The following INVS variants were observed in gnomAD, a reference collection of about 807,000 sequenced individuals.
INVS encodes the protein inversion of embryo turning homolog.
Under a neutral mutation model 108.8 loss-of-function variants are expected in INVS, and 86 were observed. That is an observed-to-expected ratio of 0.79 (90% CI 0.66 to 0.95). INVS has a LOEUF of 0.95. INVS is among the 40% of genes least tolerant of loss of function. The pLI, the probability that INVS is intolerant of heterozygous loss-of-function variation, is 0.00. For missense variants in INVS, 1,169 were observed against 1,297.4 expected, an observed-to-expected ratio of 0.90 and a Z score of 1.52; for synonymous variants, 455 against 473.5, an observed-to-expected ratio of 0.96 and a Z score of 0.51.
chr9:100,141,548 G>A lies in INVS; in HGVS notation c.273+14999G>A, dbSNP rs192422636. ...GTCTAACAGAAGGGAAAAAATGACC[G>A]CGGTGGCCTTCTCAGACCCTGTAGG... On this transcript the variant is annotated intron_variant, in intron 3 of 16. Transcript: ENST00000262457. 6.6e-5 allele frequency among the ~76,000 whole-genome samples: 10 copies of A among 152,314 alleles called. No individual in the cohort carries two copies. The East Asian group carries it at 1.4e-3, about 21-fold the overall frequency.
Position 100,100,918 on chromosome 9 carries a change from G to T in INVS, c.-25+1502G>T, listed in dbSNP as rs1412865550. Among the ~76,000 whole-genome samples the T allele has an allele frequency of 6.2e-3, 81 of 13,140 alleles. 8 individuals are homozygous for T. Among genetic ancestry groups the T allele is most frequent in the African/African-American group, 0.047 (65 of 1,372 alleles). 8.6% of individuals were successfully genotyped at this position (13,140 alleles called of 152,430 possible). ...TATTATATATGTATATATATTATAT[G>T]TATATATATAATATATATAATATAT... On this transcript the variant is annotated intron_variant, in intron 1 of 16. Coordinates refer to ENST00000262457, the MANE Select transcript of INVS (RefSeq NM_014425.5).
At chr9:100,145,063 G>A (rs1828557117) in intron 3 of INVS, among the ~76,000 whole-genome samples, 1 of 152,078 alleles carries the variant, frequency 6.6e-6, no homozygotes. Context: ...GGGGTCAAGC[G>A]GCATTGTAGA....
intron 3 of INVS, among the ~76,000 whole-genome samples, chr9:100,166,841 C>T (rs1372106743): frequency 6.6e-6 from 1 of 152,182 alleles, no homozygotes; most frequent in Non-Finnish European, 1.5e-5. Context: ...TAACTGGTCT[C>T]CTGGTTTCTG....
intron 9 of INVS, 80 bp from the exon 10 acceptor site, chr9:100,252,827 A>C: frequency 1.1e-6 from 1 of 922,326 alleles, no homozygotes; most frequent in Non-Finnish European, 1.7e-6. Flanking sequence ...CATTTAAGGA[A>C]CAATTGTTTT....
In INVS at chr9:100,253,125, C is replaced by T; in HGVS notation, c.1453C>T (p.Gln485Ter). The T allele has an allele frequency of 6.2e-7, 1 of 1,611,128 alleles. No individual in the cohort carries two copies. The highest frequency in any genetic ancestry group is 8.5e-7 in the Non-Finnish European group (1 of 1,177,568). ...LMENNADPNI[Q>*]DKEGRTALHW... is the part of the protein sequence containing the mutation. ...GGAAAACAATGCAGACCCTAACATTCAAGACAAAGAGGTAGAAATTCTGTC... is the reference window on the plus strand; with the variant it reads ...GGAAAACAATGCAGACCCTAACATTTAAGACAAAGAGGTAGAAATTCTGTC... The change falls in exon 10 of 17, where the codon CAA (glutamine) becomes TAA (stop). Residue 485 changes from glutamine (Q) to a stop codon, truncating the protein, a stop_gained. Transcript: ENST00000262457. LOFTEE classifies it high-confidence loss of function.
intron 3 of INVS, among the ~76,000 whole-genome samples, chr9:100,159,270 A>T (rs1040717223): frequency 6.6e-6 from 1 of 152,206 alleles, no homozygotes; most frequent in Non-Finnish European, 1.5e-5. Context: ...GGAAGGTTTC[A>T]TGAAGGAGAG....
intron 3 of INVS, among the ~76,000 whole-genome samples, chr9:100,186,910 G>A (rs558963998): frequency 1.3e-5 from 2 of 152,010 alleles, no homozygotes; most frequent in South Asian, 2.1e-4. Flanking sequence ...GCTTTGGGGG[G>A]TCTTAGTCAT....
At chr9:100,171,829 T>C (rs2476441) in intron 3 of INVS, among the ~76,000 whole-genome samples, 1 of 151,908 alleles carries the variant, frequency 6.6e-6, no homozygotes, top group Admixed American at 6.6e-5. Flanking sequence ...ATCAAGTATA[T>C]CATTGGCAAA....
intron 10 of INVS, among the ~76,000 whole-genome samples, chr9:100,260,603 C>A (rs1588129665): frequency 6.6e-6 from 1 of 152,038 alleles, no homozygotes; most frequent in Admixed American, 6.6e-5. Flanking sequence ...GTTCCAAGAA[C>A]TTTATGTTTA....
chr9:100,212,165 TA>T (rs1323884946), intron 3 of INVS, among the ~76,000 whole-genome samples: 11 of 152,302 alleles, frequency 7.2e-5, no homozygotes, highest in African/African-American at 2.4e-4. Context: ...AACAGACATC[TA>T]AATCAACTGA....
At chr9:100,270,908 AGT>A (rs1230397326) in intron 11 of INVS, among the ~76,000 whole-genome samples, 2 of 151,414 alleles carry the variant, frequency 1.3e-5, no homozygotes, top group Non-Finnish European at 2.9e-5. Flanking sequence ...TGGGCAACAG[AGT>A]GAGACCCTAT....
chr9:100,287,521 C>CT (rs1172755182), intron 13 of INVS, among the ~76,000 whole-genome samples: 1 of 152,212 alleles, frequency 6.6e-6, no homozygotes, highest in East Asian at 1.9e-4. Context: ...TGGATTGGCT[C>CT]TGTGTCCCCA....
At chr9:100,262,726 TG>T (rs1361045397) in intron 10 of INVS, among the ~76,000 whole-genome samples, 1 of 145,038 alleles carries the variant, frequency 6.9e-6, no homozygotes, top group Non-Finnish European at 1.6e-5. Flanking sequence ...TTTGAGATTT[TG>T]GGTTTTTTTG....
At chr9:100,100,964 TAATA>T (rs1183958895) in intron 1 of INVS, among the ~76,000 whole-genome samples, 2 of 62,374 alleles carry the variant, frequency 3.2e-5, no homozygotes, top group Non-Finnish European at 5.2e-5. Flanking sequence ...ATTATATATA[TAATA>T]TATATTATAT....
intron 16 of INVS, among the ~76,000 whole-genome samples, chr9:100,300,192 T>C (rs752628237): frequency 8.5e-5 from 13 of 152,232 alleles, no homozygotes; most frequent in Non-Finnish European, 1.5e-4. Context: ...CTAACAAACC[T>C]ATTTTCTAGA....
chr9:100,228,640 C>CACTTCA (rs1831410735), intron 4 of INVS, among the ~76,000 whole-genome samples: 1 of 152,156 alleles, frequency 6.6e-6, no homozygotes, highest in Non-Finnish European at 1.5e-5. Flanking sequence ...ACCGGATGAA[C>CACTTCA]TAAATAACTG....
intron 3 of INVS, among the ~76,000 whole-genome samples, chr9:100,157,065 A>T (rs1369650841): frequency 6.6e-6 from 1 of 151,590 alleles, no homozygotes; most frequent in South Asian, 2.1e-4. Flanking sequence ...CTTTTTAGCC[A>T]CTTTAAAAAA....
intron 10 of INVS, among the ~76,000 whole-genome samples, chr9:100,257,735 C>T (rs1050446109): frequency 2.0e-5 from 3 of 152,184 alleles, no homozygotes; most frequent in African/African-American, 7.2e-5. Flanking sequence ...GAATATCGGC[C>T]CCCACTCTCT....
At chr9:100,155,179 C>A (rs1399456231) in intron 3 of INVS, among the ~76,000 whole-genome samples, 1 of 151,086 alleles carries the variant, frequency 6.6e-6, no homozygotes, top group East Asian at 1.9e-4. Context: ...CCATTGCACT[C>A]CAGCCTGGGC....
Sources: gnomAD v4.1 joint callset for allele counts (sites outside exome capture counted in the v4.1 genomes callset) on GRCh38, gnomAD v4.1.1 for gene constraint, MANE v1.5 for transcripts, NCBI Gene and HGNC (gene_info 2026-07-23, HGNC 2026-07-21) for gene names.